Variants in PRMT1 observed in about 807,000 individuals in gnomAD.
The protein encoded by PRMT1 is protein arginine N-methyltransferase 1.
PRMT1 carries 5 observed loss-of-function variants against 47.4 expected under a neutral mutation model. That is an observed-to-expected ratio of 0.11 (90% CI 0.06 to 0.22). The LOEUF is 0.22. Among genes scored for constraint, PRMT1 ranks in the 10% least tolerant of loss-of-function variants. The pLI is 1.00. For synonymous variants in PRMT1, 227 were observed against 204.6 expected (o/e 1.11, Z -0.94); for missense variants, 249 against 518.4 (o/e 0.48, Z 5.05).
At chr19:49,686,559 G>A (rs774111829) in intron 9 of PRMT1, 46 bp from the exon 10 acceptor site, 3 of 1,556,792 alleles carry the variant, frequency 1.9e-6, no homozygotes, top group Middle Eastern at 4.7e-4. Flanking sequence ...GGGTGGGGTT[G>A]GGGGGGGCAG....
rs2082198084 is a variant in PRMT1, at chr19:49,685,929, G to C, written c.760-164G>C. 3.5e-6 allele frequency: 5 copies of C among 1,437,766 alleles called. No homozygotes were observed. Among genetic ancestry groups the C allele is most frequent in the Non-Finnish European group, 1.8e-6 (2 of 1,101,526 alleles). The allele number at this position is 1,437,766 out of a possible 1,614,324, so 89.1% of individuals were successfully genotyped here. A position where few individuals can be genotyped will look rare whatever the true frequency, so the allele number is the denominator to read the frequency against. On this transcript the variant is annotated intron_variant, in intron 8 of 10. Coordinates refer to ENST00000454376, the MANE Select transcript of PRMT1 (RefSeq NM_001536.6). The surrounding 1 kb of genome is among the most constrained non-coding windows in gnomAD (Gnocchi z 4.7). ...CACATGGTTTATTGGGAGCCGGATA[G>C]GCAGGATGCAGAGTGAAGGAGGAGC...
chr19:49,683,557 T>G (rs529642272), intron 5 of PRMT1: 176 of 181,328 alleles, frequency 9.7e-4, no homozygotes, highest in Non-Finnish European at 1.6e-3. Flanking sequence ...ACTTGGTGGC[T>G]GGCACCTGTA....
At chr19:49,677,230 A>T, upstream of PRMT1, 1 of 1,397,640 alleles carries the variant, frequency 7.2e-7, no homozygotes, top group Non-Finnish European at 9.3e-7. Context: ...CGGGGGAGTG[A>T]GGAGAAAGGG....
At chr19:49,683,264 A>C (rs1266851693) in intron 5 of PRMT1, among the ~76,000 whole-genome samples, 1 of 151,970 alleles carries the variant, frequency 6.6e-6, no homozygotes, top group Non-Finnish European at 1.5e-5. Flanking sequence ...GCACGAGTCC[A>C]TTTGAAGCAA....
rs1474416204 is a variant in PRMT1, at chr19:49,683,729, G to A, written c.413-198G>A. ...AAAAAGTAACATCACCTGATACCCA[G>A]TCCACATAAAATTTCTGCTCCTGCC... On this transcript the variant is annotated intron_variant, in intron 5 of 10. Coordinates refer to ENST00000454376, the MANE Select transcript of PRMT1 (RefSeq NM_001536.6). 4.9e-5 allele frequency: 27 copies of A among 551,318 alleles called. No individual in the cohort carries two copies. The Admixed American group carries it at 8.4e-4, about 17-fold the overall frequency. 34.2% of individuals were successfully genotyped at this position (551,318 alleles called of 1,614,324 possible). A position where few individuals can be genotyped will look rare whatever the true frequency, so the allele number is the denominator to read the frequency against.
At position 49,685,111 on chromosome 19, in the gene PRMT1, G is replaced by C; in HGVS notation, c.759+74G>C. 1.3e-6 allele frequency: 2 copies of C among 1,599,086 alleles called. No individual in the cohort carries two copies. The highest frequency in any genetic ancestry group is 2.2e-5 in the South Asian group (2 of 89,480). ...AGGCCATCACCTGGCCCTGGCATGG[G>C]ACTTTGGGGCCCAGAATGTTGGCCT... On this transcript the variant is annotated intron_variant, in intron 8 of 10. Transcript: ENST00000454376. This position sits in a 1 kb window ranked among gnomAD's most constrained non-coding sequence, Gnocchi z 4.7.
In PRMT1 at chr19:49,684,039, C is replaced by T. The variant is rs373447545; in HGVS notation, c.525C>T (p.Asn175=). The T allele has an allele frequency of 4.0e-5, 65 of 1,614,098 alleles. No individual in the cohort carries two copies. Among genetic ancestry groups the T allele is most frequent in the Non-Finnish European group, 5.4e-5 (64 of 1,180,046 alleles). ...GCCTCTTCTACGAGTCCATGCTCAACACCGTGCTCTATGCCCGGGACAAGT... is the reference window on the plus strand; with the variant it reads ...GCCTCTTCTACGAGTCCATGCTCAATACCGTGCTCTATGCCCGGGACAAGT... ...GYCLFYESML[N]TVLYARDKWL... The change falls in exon 6 of 11, where the codon AAC becomes AAT. Residue 175 remains asparagine, a synonymous_variant. Coordinates refer to ENST00000454376, the MANE Select transcript of PRMT1 (RefSeq NM_001536.6). The surrounding 1 kb of genome is among the most constrained non-coding windows in gnomAD (Gnocchi z 6.2).
chr19:49,686,084 G>T lies in PRMT1; in HGVS notation c.760-9G>T. The T allele has an allele frequency of 6.2e-7, 1 of 1,612,182 alleles. No homozygotes were observed. The highest frequency in any genetic ancestry group is 8.5e-7 in the Non-Finnish European group (1 of 1,179,034). ...CGCATCCCGGAGCTCGCCCTCTCATGTCCTGCAGGAGGTGGACATCTATAC... is the reference window on the plus strand; with the variant it reads ...CGCATCCCGGAGCTCGCCCTCTCATTTCCTGCAGGAGGTGGACATCTATAC... On this transcript the variant is annotated splice_polypyrimidine_tract_variant and intron_variant, in intron 8 of 10. Transcript: ENST00000454376.
upstream of PRMT1, chr19:49,677,114 G>T: frequency 1.9e-6 from 1 of 528,396 alleles, no homozygotes; most frequent in Non-Finnish European, 3.0e-6. Flanking sequence ...GTATTCTCTA[G>T]CCAATTACTA....
At chr19:49,683,895 G>A in intron 5 of PRMT1, 32 bp from the exon 6 acceptor site, 1 of 1,599,618 alleles carries the variant, frequency 6.3e-7, no homozygotes, top group Non-Finnish European at 8.5e-7. Flanking sequence ...GGCCTCCCGG[G>A]GGCTGACGTG....
At chr19:49,676,983 A>C, upstream of PRMT1, 1 of 353,954 alleles carries the variant, frequency 2.8e-6, no homozygotes, top group Non-Finnish European at 5.1e-6. Context: ...TTCCTGGTGG[A>C]TTTTGCCCAA....
chr19:49,676,868 T>G (rs1211961593), upstream of PRMT1, among the ~76,000 whole-genome samples: 1 of 152,162 alleles, frequency 6.6e-6, no homozygotes, highest in Non-Finnish European at 1.5e-5. Context: ...TGGCAGCGAT[T>G]AGGAGGCGGG....
intron 5 of PRMT1, among the ~76,000 whole-genome samples, chr19:49,683,246 T>C (rs1320775971): frequency 1.3e-5 from 2 of 151,942 alleles, no homozygotes; most frequent in African/African-American, 4.8e-5. Context: ...GAGATTATTA[T>C]AATGAACGCA....
At chr19:49,686,765 G>T in intron 10 of PRMT1, 39 bp downstream of exon 10, 1 of 1,561,020 alleles carries the variant, frequency 6.4e-7, no homozygotes, top group Non-Finnish European at 8.7e-7. Context: ...GTGGCAGCTA[G>T]GGCGGGGAGT....
At chr19:49,683,875 G>A in intron 5 of PRMT1, 52 bp from the exon 6 acceptor site, 1 of 1,580,744 alleles carries the variant, frequency 6.3e-7, no homozygotes, top group African/African-American at 1.3e-5. Context: ...GGGAGGTGAG[G>A]TGAGGGGCAG....
chr19:49,684,951 T>A lies in PRMT1; in HGVS notation c.673T>A (p.Ser225Thr). The change falls in exon 8 of 11, where the codon TCT (serine) becomes ACT (threonine). Residue 225 changes from serine (S) to threonine (T), a missense_variant. Ser to Thr is a moderately conservative substitution (Grantham distance 58). Around this residue, in one of 2 missense-constraint regions of PRMT1, gnomAD observed 190 missense variants for 456.7 expected, o/e 0.42. Transcript: ENST00000454376. The surrounding 1 kb of genome is among the most constrained non-coding windows in gnomAD (Gnocchi z 6.2). The stretch of plus-strand genomic sequence containing the variant: ...GGAGAACGTGTATGGCTTCGACATG[T>A]CTTGCATCAAAGATGTGGCCATTAA... ...WWENVYGFDM[S>T]CIKDVAIKEP... The A allele has an allele frequency of 6.2e-7, 1 of 1,602,702 alleles. No homozygotes were observed. Among genetic ancestry groups the A allele is most frequent in the Non-Finnish European group, 8.5e-7 (1 of 1,172,376 alleles).
At position 49,684,219 on chromosome 19, in the gene PRMT1, G is replaced by C; in HGVS notation, c.555+150G>C. 1 of 1,112,772 alleles carries C rather than the reference G, an allele frequency of 9.0e-7. No individual in the cohort carries two copies. The highest frequency in any genetic ancestry group is 1.5e-5 in the South Asian group (1 of 68,044). The allele number at this position is 1,112,772 out of a possible 1,614,324, so 68.9% of individuals were successfully genotyped here. On this transcript the variant is annotated intron_variant, in intron 6 of 10. Coordinates refer to ENST00000454376, the MANE Select transcript of PRMT1 (RefSeq NM_001536.6). This position sits in a 1 kb window ranked among gnomAD's most constrained non-coding sequence, Gnocchi z 6.2. Reference sequence around the variant, plus strand: ...GCCACAGCCCAAGCCAGGTGTGACAGACCCTGGAGGGAGATGGTGCGATGT... The same window carrying C: ...GCCACAGCCCAAGCCAGGTGTGACACACCCTGGAGGGAGATGGTGCGATGT...
At chr19:49,677,699 G>A (rs1230560323) in intron 1 of PRMT1, 1 of 171,506 alleles carries the variant, frequency 5.8e-6, no homozygotes, top group African/African-American at 2.4e-5. Flanking sequence ...GGGGGGCGGG[G>A]AGGGGGTCCG....
At chr19:49,687,764 T>TG (rs772274202) in intron 10 of PRMT1, 5 of 271,816 alleles carry the variant, frequency 1.8e-5, no homozygotes, top group Admixed American at 1.3e-4. Flanking sequence ...CTGGAGGGTA[T>TG]GGGGGGAGGA....
Sources: gnomAD v4.1 joint callset for allele counts (sites outside exome capture counted in the v4.1 genomes callset) on GRCh38, gnomAD v4.1.1 for gene constraint, gnomAD v4.1.1 regional missense constraint, Gnocchi (gnomAD v3.1) non-coding constraint, MANE v1.5 for transcripts, NCBI Gene and HGNC (gene_info 2026-07-23, HGNC 2026-07-21) for gene names.